CCDC93: variants seen among roughly 807,000 people sequenced by gnomAD.
CCDC93 encodes the protein CCC complex scaffolding subunit CCDC93.
Under a neutral mutation model 108.2 loss-of-function variants are expected in CCDC93, and 61 were observed. That is an observed-to-expected ratio of 0.56 (90% CI 0.46 to 0.70). The LOEUF (loss-of-function observed/expected upper bound fraction) is 0.70. Ranked by LOEUF, CCDC93 falls within the 30% of genes least tolerant of loss-of-function variation. The pLI is 0.00. For missense variants in CCDC93, 685 were observed against 764.2 expected (o/e 0.90, Z 1.22); for synonymous variants, 276 against 260.4 (o/e 1.06, Z -0.58).
At chr2:117,983,397 C>T (rs1680209051) in intron 7 of CCDC93, among the ~76,000 whole-genome samples, 1 of 152,052 alleles carries the variant, frequency 6.6e-6, no homozygotes, top group African/African-American at 2.4e-5. Context: ...TGTTAATCTG[C>T]CTTTTGTCAG....
intron 23 of CCDC93, among the ~76,000 whole-genome samples, chr2:117,929,116 G>T (rs541736789): frequency 3.5e-4 from 53 of 151,936 alleles, no homozygotes; most frequent in Non-Finnish European, 3.8e-4. Flanking sequence ...GTTGTGGGGT[G>T]GGGGGAGGTG....
At position 117,995,461 on chromosome 2, in the gene CCDC93, T is replaced by A; in HGVS notation, c.504A>T (p.Thr168=). 1.2e-6 allele frequency: 2 copies of A among 1,613,486 alleles called. No homozygotes were observed. The highest frequency in any genetic ancestry group is 8.5e-7 in the Non-Finnish European group (1 of 1,179,358). Residue 168 remains threonine, a synonymous_variant, in exon 6 of 24, where the codon ACA becomes ACT. Transcript: ENST00000376300. The part of the protein sequence containing the change: ...FIKRKEKAIK[T]VVDLSEVYKP... ...GGGGACTTACTGAGAGGTCCACAAC[T>A]GTCTTGATGGCCTTTTCTTTTCTCT... is the stretch of plus-strand genomic sequence containing the variant.
At chr2:117,938,889 T>A in intron 20 of CCDC93, 140 bp downstream of exon 20, 2 of 552,520 alleles carry the variant, frequency 3.6e-6, no homozygotes, top group Non-Finnish European at 6.5e-6. Context: ...TGACTGGGTA[T>A]GCCAGCACTT....
rs573143331 is a variant in CCDC93, at chr2:118,000,370, A to T, written c.363+451T>A. ...AGCCATATGAATTAAACAGGTAAGG[A>T]GAGAATGGAAGAGCATTCCAGCCCA... is the stretch of plus-strand genomic sequence containing the variant. On this transcript the variant is annotated intron_variant, in intron 4 of 23. Transcript: ENST00000376300. 5.0e-4 allele frequency: 77 copies of T among 155,380 alleles called. 2 individuals are homozygous for T. The South Asian group carries it at 0.014, about 29-fold the overall frequency. The allele number at this position is 155,380 out of a possible 1,614,324, so 9.6% of individuals were successfully genotyped here. A position where few individuals can be genotyped will look rare whatever the true frequency, so the allele number is the denominator to read the frequency against.
chr2:117,941,712 T>C (rs544137108), intron 18 of CCDC93, among the ~76,000 whole-genome samples: 3 of 152,250 alleles, frequency 2.0e-5, no homozygotes, highest in African/African-American at 7.2e-5. Context: ...TCCACATACA[T>C]CCCAAATTCC....
At chr2:117,943,080 T>G (rs1240937563) in intron 18 of CCDC93, among the ~76,000 whole-genome samples, 1 of 152,210 alleles carries the variant, frequency 6.6e-6, no homozygotes, top group Non-Finnish European at 1.5e-5. Context: ...TTCCATGCAT[T>G]CTACAGCCAC....
chr2:117,992,734 A>G (rs981709465), intron 6 of CCDC93, among the ~76,000 whole-genome samples: 1 of 152,042 alleles, frequency 6.6e-6, no homozygotes, highest in East Asian at 1.9e-4. Context: ...CAACAACAAC[A>G]AACTACTACT....
In CCDC93 at chr2:117,951,428, T is replaced by A. The variant is rs1008402947; in HGVS notation, c.1068+945A>T. On this transcript the variant is annotated intron_variant, in intron 13 of 23. Transcript: ENST00000376300. ...CTGAAGAGGTTAGTCCAGACCAGAA[T>A]TGAAAAGCTTTGTCAGGTTTACATC... 46 of 985,448 alleles carry A rather than the reference T, an allele frequency of 4.7e-5. No individual in the cohort carries two copies. In the African/African-American group the frequency reaches 7.7e-4, roughly 16 times the overall value. 61.0% of individuals were successfully genotyped at this position (985,448 alleles called of 1,614,324 possible).
intron 11 of CCDC93, among the ~76,000 whole-genome samples, chr2:117,963,276 C>G (rs17584023): frequency 0.069 from 10,559 of 152,254 alleles, 507 homozygotes; most frequent in Admixed American, 0.11. Flanking sequence ...CATATACATA[C>G]AAGCATGCCC....
chr2:117,946,458 G>A (rs1371996378), intron 16 of CCDC93, among the ~76,000 whole-genome samples: 1 of 152,210 alleles, frequency 6.6e-6, no homozygotes, highest in East Asian at 1.9e-4. Flanking sequence ...CCCTGAGCAG[G>A]AAAGGAGAAA....
At chr2:117,958,880 A>C (rs1679302629) in intron 11 of CCDC93, among the ~76,000 whole-genome samples, 1 of 152,224 alleles carries the variant, frequency 6.6e-6, no homozygotes, top group African/African-American at 2.4e-5. Context: ...TTATAAGCAA[A>C]TGGTTAAAAA....
intron 14 of CCDC93, among the ~76,000 whole-genome samples, chr2:117,949,013 A>AT (rs1369025577): frequency 6.6e-6 from 1 of 152,188 alleles, no homozygotes; most frequent in Non-Finnish European, 1.5e-5. Flanking sequence ...TGGGAGGAAG[A>AT]TTTTTCACCA....
chr2:117,985,829 GA>G (rs1232568517), intron 7 of CCDC93, 139 bp downstream of exon 7: 4 of 580,082 alleles, frequency 6.9e-6, no homozygotes, highest in Admixed American at 3.2e-5. Flanking sequence ...CATTACCAGA[GA>G]AAAGTCCCTG....
intron 23 of CCDC93, among the ~76,000 whole-genome samples, chr2:117,923,874 C>A (rs1265191794): frequency 6.6e-6 from 1 of 151,922 alleles, no homozygotes; most frequent in Admixed American, 6.6e-5. Context: ...CTGGGAGGCA[C>A]ACCCCAGTAG....
intron 17 of CCDC93, chr2:117,944,583 T>G (rs954987355): frequency 1.3e-5 from 5 of 376,994 alleles, no homozygotes; most frequent in Non-Finnish European, 1.6e-5. Flanking sequence ...TAGTCCCTCA[T>G]TGAACCCAGC....
At chr2:117,943,985 AG>A in intron 18 of CCDC93, 38 bp downstream of exon 18, 1 of 1,394,072 alleles carries the variant, frequency 7.2e-7, no homozygotes, top group Non-Finnish European at 9.9e-7. Context: ...ATACCTAGTT[AG>A]AAGCATTTAT....
chr2:117,958,864 G>A (rs966466369), intron 11 of CCDC93, among the ~76,000 whole-genome samples: 9 of 152,170 alleles, frequency 5.9e-5, no homozygotes, highest in Admixed American at 4.6e-4. Context: ...CACTGTGATC[G>A]AAGTATTATA....
Position 118,010,157 on chromosome 2 carries a change from G to A in CCDC93, c.43-1499C>T, listed in dbSNP as rs1027292929. 2.2e-4 allele frequency among the ~76,000 whole-genome samples: 34 copies of A among 151,990 alleles called. 1 individual carries two copies. The highest frequency in any genetic ancestry group is 3.5e-4 in the Non-Finnish European group (24 of 67,974). On this transcript the variant is annotated intron_variant, in intron 1 of 23. Coordinates refer to ENST00000376300, the MANE Select transcript of CCDC93 (RefSeq NM_019044.5). ...TTTTTAGTAGAGATGGGGTTTCACC[G>A]TGTTAGCCAGGATAGTTTCGATCTC...
intron 1 of CCDC93, among the ~76,000 whole-genome samples, chr2:118,012,028 A>T (rs1042775770): frequency 6.6e-6 from 1 of 152,238 alleles, no homozygotes; most frequent in Admixed American, 6.5e-5. Context: ...CTCTTACACA[A>T]AGCCCAATAA....
Sources: gnomAD v4.1 joint callset for allele counts (sites outside exome capture counted in the v4.1 genomes callset) on GRCh38, gnomAD v4.1.1 for gene constraint, MANE v1.5 for transcripts, NCBI Gene and HGNC (gene_info 2026-07-23, HGNC 2026-07-21) for gene names.